Variants in SSH2 observed in about 807,000 individuals in gnomAD.
SSH2 encodes protein phosphatase Slingshot homolog 2.
In SSH2, 37 loss-of-function variants were observed where a neutral mutation model predicts 135.2. The observed-to-expected ratio is 0.27, with a 90% confidence interval of 0.21 to 0.36. SSH2 has a LOEUF of 0.36. Among genes scored for constraint, SSH2 ranks in the 10% least tolerant of loss-of-function variants. The pLI is 1.00. For missense variants in SSH2, 1,408 were observed against 1,765.3 expected, an observed-to-expected ratio of 0.80 and a Z score of 3.63; for synonymous variants, 628 against 646.2, an observed-to-expected ratio of 0.97 and a Z score of 0.43.
At chr17:29,755,524 C>G (rs897359059) in intron 3 of SSH2, among the ~76,000 whole-genome samples, 1 of 151,932 alleles carries the variant, frequency 6.6e-6, no homozygotes, top group African/African-American at 2.4e-5. Flanking sequence ...ATATATAACA[C>G]AGTTGAAAGT....
chr17:29,763,384 TA>T (rs199667046), intron 3 of SSH2, among the ~76,000 whole-genome samples: 2 of 150,760 alleles, frequency 1.3e-5, no homozygotes, highest in African/African-American at 2.4e-5. Flanking sequence ...AATGGTAGTG[TA>T]AAAAAAAATC....
intron 3 of SSH2, chr17:29,780,677 C>A (rs1365025959): frequency 1.3e-5 from 2 of 151,934 alleles, no homozygotes; most frequent in African/African-American, 4.8e-5. Flanking sequence ...CCTGCGTCAG[C>A]CTCCCAAAGT....
At chr17:29,745,078 T>C (rs1598923130) in intron 3 of SSH2, among the ~76,000 whole-genome samples, 2 of 152,176 alleles carry the variant, frequency 1.3e-5, no homozygotes, top group African/African-American at 2.4e-5. Context: ...CACTGGTTAC[T>C]GTGCTATGTG....
In SSH2 at chr17:29,755,963, T is replaced by C. The variant is rs1160110792; in HGVS notation, c.188+37931A>G. ...GGGGTGAGCCACCGCGCCAGCTAAA[T>C]TTTATTTTCAAAGAGATAGAGGCTG... On this transcript the variant is annotated intron_variant, in intron 3 of 15. Coordinates refer to ENST00000540801, the MANE Select transcript of SSH2 (RefSeq NM_001282129.2). 2.1e-5 allele frequency among the ~76,000 whole-genome samples: 3 copies of C among 143,934 alleles called. No homozygotes were observed. In the East Asian group the frequency reaches 7.1e-4, roughly 34 times the overall value. 94.4% of individuals were successfully genotyped at this position (143,934 alleles called of 152,430 possible). A position where few individuals can be genotyped will look rare whatever the true frequency, so the allele number is the denominator to read the frequency against.
chr17:29,632,475 C>G lies in SSH2; in HGVS notation c.2719G>C (p.Glu907Gln), dbSNP rs780172322. ...TLEFEERLRQEQEHHGAAPTC... is the reference protein window; with the variant it reads ...TLEFEERLRQQQEHHGAAPTC... ...GGGGCAGCACCATGATGCTCTTGCT[C>G]CTGCCGTAAGCGCTCTTCGAACTCC... The change falls in exon 16 of 16, where the codon GAG becomes CAG. Residue 907 changes from glutamate (E) to glutamine (Q), a missense_variant. Physicochemically the swap from Glu to Gln is conservative, Grantham distance 29. Around this residue, in one of 3 missense-constraint regions of SSH2, gnomAD observed 1,080 missense variants for 1,144.5 expected, o/e 0.94. Transcript: ENST00000540801. The G allele has an allele frequency of 1.2e-6, 2 of 1,614,192 alleles. No individual in the cohort carries two copies. Among genetic ancestry groups the G allele is most frequent in the Non-Finnish European group, 1.7e-6 (2 of 1,180,028 alleles).
At chr17:29,908,317 A>T (rs1467754351) in intron 1 of SSH2, among the ~76,000 whole-genome samples, 2 of 151,794 alleles carry the variant, frequency 1.3e-5, no homozygotes, top group Admixed American at 1.3e-4. Context: ...TTAGTCAGGT[A>T]TGGTGGTACA....
chr17:29,691,154 T>C (rs559216745), intron 5 of SSH2, among the ~76,000 whole-genome samples: 8 of 152,326 alleles, frequency 5.3e-5, no homozygotes, highest in South Asian at 2.1e-4. Flanking sequence ...ATTTCCATTT[T>C]AGAAAGCAAC....
At chr17:29,669,245 C>T (rs777686341) in intron 9 of SSH2, among the ~76,000 whole-genome samples, 3 of 150,952 alleles carry the variant, frequency 2.0e-5, no homozygotes, top group Non-Finnish European at 2.9e-5. Context: ...AGTGAGACTC[C>T]GTCTCAAAAA....
intron 1 of SSH2, chr17:29,866,199 A>T (rs1192302632): frequency 6.6e-6 from 1 of 152,204 alleles, no homozygotes; most frequent in Non-Finnish European, 1.5e-5. Context: ...ATTAACTGAA[A>T]ACAAGCAGTA....
At chr17:29,730,398 T>C (rs2151185343) in intron 3 of SSH2, among the ~76,000 whole-genome samples, 1 of 148,792 alleles carries the variant, frequency 6.7e-6, no homozygotes, top group South Asian at 2.1e-4. Context: ...ATGCTGGAGG[T>C]GACAGATACT....
At chr17:29,680,290 C>T (rs1368545267) in intron 6 of SSH2, among the ~76,000 whole-genome samples, 5 of 151,930 alleles carry the variant, frequency 3.3e-5, no homozygotes, top group African/African-American at 7.3e-5. Flanking sequence ...AGGCCAGGCA[C>T]GGTGACTCAT....
rs942060579 is a variant in SSH2, at chr17:29,915,839, T to A, written c.63+14099A>T. ...TTTTTTAAATTTTTTATATATATAT[T>A]TTTATTATACTTTAAGTTCTAGGGT... On this transcript the variant is annotated intron_variant, in intron 1 of 15. Transcript: ENST00000540801. Among the ~76,000 whole-genome samples the A allele has an allele frequency of 7.3e-5, 11 of 151,678 alleles. No individual in the cohort carries two copies. In the East Asian group the frequency reaches 2.1e-3, roughly 29 times the overall value.
At chr17:29,684,268 G>A (rs963537992) in intron 6 of SSH2, among the ~76,000 whole-genome samples, 1 of 152,120 alleles carries the variant, frequency 6.6e-6, no homozygotes, top group Non-Finnish European at 1.5e-5. Context: ...GATCACTTGA[G>A]GTCAGGAGTT....
At chr17:29,808,214 C>T (rs368453094) in intron 2 of SSH2, among the ~76,000 whole-genome samples, 3 of 152,102 alleles carry the variant, frequency 2.0e-5, no homozygotes, top group Non-Finnish European at 2.9e-5. Context: ...CTGCAACTTC[C>T]GCCTCCCAGG....
At chr17:29,837,624 C>T (rs2042964972) in intron 2 of SSH2, among the ~76,000 whole-genome samples, 1 of 152,160 alleles carries the variant, frequency 6.6e-6, no homozygotes. Context: ...TCTCCCAGGC[C>T]CAGAGCCTCT....
chr17:29,890,491 C>T (rs1288409631), intron 1 of SSH2, among the ~76,000 whole-genome samples: 2 of 152,106 alleles, frequency 1.3e-5, no homozygotes, highest in African/African-American at 4.8e-5. Flanking sequence ...CAGGCTATGA[C>T]ATGGATAAGC....
In SSH2 at chr17:29,842,411, G is replaced by A. The variant is rs569848738; in HGVS notation, c.144+6438C>T. On this transcript the variant is annotated intron_variant, in intron 2 of 15. Transcript: ENST00000540801. Reference sequence around the variant, plus strand: ...GCAGGTTGCAGTGAGCCGAGATCACGCCACTGCACTCCAGCCTGGGCGACA... The same window carrying A: ...GCAGGTTGCAGTGAGCCGAGATCACACCACTGCACTCCAGCCTGGGCGACA... Among the ~76,000 whole-genome samples the A allele has an allele frequency of 7.4e-5, 11 of 148,300 alleles. No homozygotes were observed. The East Asian group carries it at 1.4e-3, about 19-fold the overall frequency.
intron 6 of SSH2, among the ~76,000 whole-genome samples, chr17:29,679,011 C>T (rs538245944): frequency 2.6e-5 from 4 of 152,152 alleles, no homozygotes; most frequent in South Asian, 2.1e-4. Context: ...CCACTGCACC[C>T]GGCCTAAAAT....
intron 1 of SSH2, among the ~76,000 whole-genome samples, chr17:29,860,425 T>A (rs1222111465): frequency 6.6e-6 from 1 of 150,390 alleles, no homozygotes; most frequent in Non-Finnish European, 1.5e-5. Context: ...CGTCTCTTCA[T>A]GGCCTTTGCC....
Sources: gnomAD v4.1 joint callset for allele counts (sites outside exome capture counted in the v4.1 genomes callset) on GRCh38, gnomAD v4.1.1 for gene constraint, gnomAD v4.1.1 regional missense constraint, MANE v1.5 for transcripts, NCBI Gene and HGNC (gene_info 2026-07-23, HGNC 2026-07-21) for gene names.